The following IPCEF1 variants were observed in gnomAD, a reference collection of about 807,000 sequenced individuals.
IPCEF1 encodes the protein interactor protein for cytohesin exchange factors 1.
IPCEF1 carries 31 observed loss-of-function variants against 50.9 expected under a neutral mutation model. The observed-to-expected ratio is 0.61, with a 90% confidence interval of 0.46 to 0.82. The LOEUF (loss-of-function observed/expected upper bound fraction) is 0.82, where lower values mean the gene tolerates loss of function less well. Ranked by LOEUF, IPCEF1 falls within the 40% of genes least tolerant of loss-of-function variation. The pLI is 0.00. For synonymous variants in IPCEF1, 181 were observed against 192.0 expected (o/e 0.94, Z 0.47); for missense variants, 458 against 514.0 (o/e 0.89, Z 1.05).
chr6:154,209,792 A>T (rs1777817026), intron 9 of IPCEF1, among the ~76,000 whole-genome samples: 1 of 152,158 alleles, frequency 6.6e-6, no homozygotes, highest in African/African-American at 2.4e-5. Context: ...GAAATATGTG[A>T]TCAGGAGGAA....
chr6:154,220,725 T>A lies in IPCEF1; in HGVS notation c.392+532A>T, dbSNP rs547347181. 7.1e-4 allele frequency among the ~76,000 whole-genome samples: 108 copies of A among 152,334 alleles called. 1 individual carries two copies. Among genetic ancestry groups the A allele is most frequent in the Middle Eastern group, 6.8e-3 (2 of 294 alleles). ...GAATGGTGTAGGGCAGGTTGTACTCTGCACACAGCCCACTTATTTTCACAG... is the reference window on the plus strand; with the variant it reads ...GAATGGTGTAGGGCAGGTTGTACTCAGCACACAGCCCACTTATTTTCACAG... On this transcript the variant is annotated intron_variant, in intron 7 of 11. Coordinates refer to ENST00000367220, the MANE Select transcript of IPCEF1 (RefSeq NM_001130700.2).
At chr6:154,263,105 A>C (rs1427635925) in intron 3 of IPCEF1, among the ~76,000 whole-genome samples, 7 of 152,020 alleles carry the variant, frequency 4.6e-5, no homozygotes, top group Non-Finnish European at 1.0e-4. Context: ...AATTTTTCCT[A>C]TTTAAAAATT....
At chr6:154,266,582 A>G (rs1781760842) in intron 2 of IPCEF1, among the ~76,000 whole-genome samples, 1 of 146,408 alleles carries the variant, frequency 6.8e-6, no homozygotes, top group South Asian at 2.1e-4. Context: ...ATATATATAT[A>G]TATACACACA....
intron 1 of IPCEF1, among the ~76,000 whole-genome samples, chr6:154,345,863 G>A (rs1429141045): frequency 3.4e-5 from 5 of 148,994 alleles, no homozygotes; most frequent in Non-Finnish European, 6.0e-5. Flanking sequence ...CATTTTTTTT[G>A]TAAACACACA....
chr6:154,223,274 G>A (rs778113933), intron 5 of IPCEF1, 31 bp from the exon 6 acceptor site: 1 of 1,523,000 alleles, frequency 6.6e-7, no homozygotes, highest in Non-Finnish European at 9.1e-7. Context: ...AAATAGGAAT[G>A]AATGCATCAA....
intron 1 of IPCEF1, among the ~76,000 whole-genome samples, chr6:154,318,360 C>T (rs1278149845): frequency 1.3e-5 from 2 of 152,192 alleles, no homozygotes; most frequent in Admixed American, 1.3e-4. Flanking sequence ...ATTTAGGTCA[C>T]AGAAGGTAAT....
chr6:154,302,071 A>G (rs1782810936), intron 1 of IPCEF1, among the ~76,000 whole-genome samples: 1 of 152,174 alleles, frequency 6.6e-6, no homozygotes, highest in Non-Finnish European at 1.5e-5. Flanking sequence ...ATGAGATTCA[A>G]CTACACTTCA....
At chr6:154,194,940 T>C (rs1202578314) in intron 10 of IPCEF1, among the ~76,000 whole-genome samples, 1 of 152,054 alleles carries the variant, frequency 6.6e-6, no homozygotes, top group Non-Finnish European at 1.5e-5. Flanking sequence ...GGTAATGTTC[T>C]AGGAACAAAA....
chr6:154,233,640 T>C (rs1312326270), intron 5 of IPCEF1, among the ~76,000 whole-genome samples: 2 of 152,168 alleles, frequency 1.3e-5, no homozygotes, highest in Non-Finnish European at 2.9e-5. Flanking sequence ...ATTACGCTAA[T>C]GAGGATGGTT....
At chr6:154,351,444 A>G (rs983179783) in intron 1 of IPCEF1, among the ~76,000 whole-genome samples, 1 of 152,184 alleles carries the variant, frequency 6.6e-6, no homozygotes, top group African/African-American at 2.4e-5. Flanking sequence ...CAATCATGTC[A>G]AGGCACAGGC....
At chr6:154,306,110 T>C (rs1782925455) in intron 1 of IPCEF1, among the ~76,000 whole-genome samples, 1 of 152,178 alleles carries the variant, frequency 6.6e-6, no homozygotes. Flanking sequence ...CCCTAATACA[T>C]CCAGCTTCCT....
chr6:154,225,986 G>T (rs945500773), intron 5 of IPCEF1, among the ~76,000 whole-genome samples: 2 of 152,132 alleles, frequency 1.3e-5, no homozygotes, highest in African/African-American at 4.8e-5. Flanking sequence ...CCCTCCCTCT[G>T]GAGCCACCCT....
intron 3 of IPCEF1, among the ~76,000 whole-genome samples, chr6:154,258,940 T>C (rs906275899): frequency 1.3e-5 from 2 of 152,240 alleles, no homozygotes; most frequent in Non-Finnish European, 2.9e-5. Context: ...TTTATGGTCT[T>C]ATATCAATTT....
intron 11 of IPCEF1, among the ~76,000 whole-genome samples, chr6:154,165,945 A>T (rs935112306): frequency 3.9e-5 from 6 of 152,192 alleles, no homozygotes; most frequent in African/African-American, 1.4e-4. Context: ...CAGCAACCTG[A>T]AAGGACCTGA....
intron 10 of IPCEF1, among the ~76,000 whole-genome samples, chr6:154,184,082 C>T (rs938669371): frequency 2.6e-5 from 4 of 151,950 alleles, no homozygotes; most frequent in African/African-American, 7.2e-5. Flanking sequence ...GCTGGTACAG[C>T]TGTTGTTGTT....
At chr6:154,280,156 A>T (rs1364529302) in intron 2 of IPCEF1, among the ~76,000 whole-genome samples, 1 of 152,252 alleles carries the variant, frequency 6.6e-6, no homozygotes, top group African/African-American at 2.4e-5. Context: ...GGTTAATTAC[A>T]TGCATAGTCT....
At chr6:154,219,669 G>A (rs1798220885) in intron 7 of IPCEF1, among the ~76,000 whole-genome samples, 1 of 152,048 alleles carries the variant, frequency 6.6e-6, no homozygotes, top group South Asian at 2.1e-4. Context: ...TCTTTGATGT[G>A]GAGATTTTAA....
chr6:154,310,313 C>A (rs1324155027), intron 1 of IPCEF1, among the ~76,000 whole-genome samples: 4 of 152,102 alleles, frequency 2.6e-5, no homozygotes, highest in Non-Finnish European at 5.9e-5. Flanking sequence ...AAATTAAAAC[C>A]ACAATGATAT....
At chr6:154,282,329 A>G (rs140682918) in intron 2 of IPCEF1, among the ~76,000 whole-genome samples, 4 of 152,346 alleles carry the variant, frequency 2.6e-5, no homozygotes, top group African/African-American at 9.6e-5. Flanking sequence ...GATCCAGGGA[A>G]GAGATTACAA....
Sources: allele counts gnomAD v4.1 joint callset (sites outside exome capture counted in the v4.1 genomes callset), GRCh38; gene constraint gnomAD v4.1.1; transcripts MANE v1.5; gene names NCBI Gene and HGNC (gene_info 2026-07-23, HGNC 2026-07-21).